SMIM45: variants seen among roughly 807,000 people sequenced by gnomAD.
SMIM45 encodes the protein long intergenic non-protein coding RNA 634.
chr22:41,953,568 T>C, the SMIM45 span, among the ~76,000 whole-genome samples: 60 of 152,056 alleles, frequency 3.9e-4, no homozygotes, highest in Admixed American at 3.0e-3. Context: ...ACTTGCCCCA[T>C]AGGCCTGTTG....
chr22:41,953,918 T>G, the SMIM45 span, among the ~76,000 whole-genome samples: 1 of 150,880 alleles, frequency 6.6e-6, no homozygotes, highest in African/African-American at 2.4e-5. Context: ...GCCTGGCTAA[T>G]TTTTTGTATT....
the SMIM45 span, among the ~76,000 whole-genome samples, chr22:41,949,509 A>G: frequency 6.6e-6 from 1 of 152,244 alleles, no homozygotes; most frequent in East Asian, 1.9e-4. Flanking sequence ...TAAGAAGAAC[A>G]GGGGAGGAGG....
At chr22:41,958,483 G>GGAGAGAGAGAGAGAGAGAGA in the SMIM45 span, 47 of 356,078 alleles carry the variant, frequency 1.3e-4, no homozygotes, top group African/African-American at 7.8e-4. Context: ...GGGTTGGTGA[G>GGAGAGAGAGAGAGAGAGAGA]GAGAGAGAGA....
the SMIM45 span, among the ~76,000 whole-genome samples, chr22:41,948,889 C>A: frequency 1.3e-5 from 2 of 152,090 alleles, no homozygotes; most frequent in African/African-American, 4.8e-5. Flanking sequence ...ATGGAGAAAC[C>A]CTGTCTGTAC....
the SMIM45 span, among the ~76,000 whole-genome samples, chr22:41,947,729 G>C: frequency 2.8e-5 from 4 of 144,374 alleles, no homozygotes; most frequent in African/African-American, 1.0e-4. Flanking sequence ...ATAGTGACAC[G>C]ATCATAGCTC....
chr22:41,947,247 G>C, the SMIM45 span: 4 of 619,682 alleles, frequency 6.5e-6, no homozygotes, highest in South Asian at 7.5e-5. Context: ...TTTTCTGAGG[G>C]GCGTTCCAGC....
At chr22:41,951,168 A>T in the SMIM45 span, among the ~76,000 whole-genome samples, 63 of 152,338 alleles carry the variant, frequency 4.1e-4, 2 homozygotes, top group East Asian at 0.011. Flanking sequence ...GGTTTCTGGG[A>T]ACGGATTCCC....
the SMIM45 span, among the ~76,000 whole-genome samples, chr22:41,957,355 G>A: frequency 3.7e-5 from 4 of 108,944 alleles, no homozygotes; most frequent in African/African-American, 5.7e-5. Flanking sequence ...CACCACGCCC[G>A]GCTAATTTTT....
the SMIM45 span, chr22:41,958,384 G>GCCC: frequency 6.6e-6 from 3 of 456,490 alleles, no homozygotes; most frequent in African/African-American, 6.0e-5. Flanking sequence ...GCTTGGGCCA[G>GCCC]ACCAGCCGCA....
chr22:41,958,348 T>G, the SMIM45 span: 1 of 456,604 alleles, frequency 2.2e-6, no homozygotes, highest in Non-Finnish European at 4.4e-6. Context: ...GGAAAGAACC[T>G]AAGAACCTCG....
At chr22:41,950,806 C>T in the SMIM45 span, among the ~76,000 whole-genome samples, 18 of 151,968 alleles carry the variant, frequency 1.2e-4, no homozygotes, top group African/African-American at 4.3e-4. Context: ...CCATCCTGGC[C>T]AATATCGTAA....
the SMIM45 span, among the ~76,000 whole-genome samples, chr22:41,950,110 T>C: frequency 1.3e-5 from 2 of 148,764 alleles, no homozygotes; most frequent in African/African-American, 4.9e-5. Flanking sequence ...AACCTCCACT[T>C]TATCTCTGTT....
the SMIM45 span, chr22:41,958,160 C>T: frequency 2.8e-6 from 1 of 363,214 alleles, no homozygotes; most frequent in Non-Finnish European, 5.6e-6. Context: ...GGGCATCCTC[C>T]GCTGGGCCCC....
At chr22:41,958,365 G>A in the SMIM45 span, 2 of 456,678 alleles carry the variant, frequency 4.4e-6, no homozygotes, top group Non-Finnish European at 8.8e-6. Context: ...CTCGTTTGGA[G>A]GGATGTCAGC....
the SMIM45 span, among the ~76,000 whole-genome samples, chr22:41,948,056 C>T: frequency 1.3e-5 from 2 of 152,162 alleles, no homozygotes; most frequent in African/African-American, 4.8e-5. Flanking sequence ...CAGGGTCTTG[C>T]TTTCTTGACA....
At chr22:41,957,181 CTTTTTTTTTTTTTT>C in the SMIM45 span, among the ~76,000 whole-genome samples, 4 of 59,292 alleles carry the variant, frequency 6.7e-5, no homozygotes, top group East Asian at 5.0e-4. Context: ...ACCACGTGGT[CTTTTTTTTTTTTTT>C]TTTTTTTTTT....
chr22:41,958,112 C>G, the SMIM45 span: 1 of 339,024 alleles, frequency 2.9e-6, no homozygotes, highest in South Asian at 2.2e-5. Flanking sequence ...CTCTCCGTGT[C>G]AAGCCGACTC....
the SMIM45 span, among the ~76,000 whole-genome samples, chr22:41,948,277 C>T: frequency 6.6e-6 from 1 of 152,144 alleles, no homozygotes; most frequent in African/African-American, 2.4e-5. Flanking sequence ...TTACATTCAT[C>T]CATTCATTCT....
the SMIM45 span, chr22:41,958,638 T>A: frequency 0.093 from 29,479 of 316,610 alleles, 1,497 homozygotes; most frequent in South Asian, 0.13. Context: ...CTGTCCATAG[T>A]GGGTCCCAAC....
Sources: allele counts gnomAD v4.1 joint callset (sites outside exome capture counted in the v4.1 genomes callset), GRCh38; gene constraint gnomAD v4.1.1; transcripts MANE v1.5; gene names NCBI Gene and HGNC (gene_info 2026-07-23, HGNC 2026-07-21).